The following ASTN1 variants were observed in gnomAD, a reference collection of about 807,000 sequenced individuals.
The protein encoded by ASTN1 is astrotactin 1.
In ASTN1, 41 loss-of-function variants were observed where a neutral mutation model predicts 140.7. That is an observed-to-expected ratio of 0.29 (90% confidence interval 0.23 to 0.38). The LOEUF (loss-of-function observed/expected upper bound fraction) is 0.38, where lower values mean the gene tolerates loss of function less well. Among genes scored for constraint, ASTN1 ranks in the 10% least tolerant of loss-of-function variants. The pLI is 1.00. For missense variants in ASTN1, 1,479 were observed against 1,678.8 expected (o/e 0.88, Z 2.08); for synonymous variants, 640 against 652.2 (o/e 0.98, Z 0.29).
At chr1:177,036,583 T>C (rs1571688986) in intron 2 of ASTN1, among the ~76,000 whole-genome samples, 1 of 152,300 alleles carries the variant, frequency 6.6e-6, no homozygotes, top group Non-Finnish European at 1.5e-5. Flanking sequence ...TGACATTATT[T>C]AATAATATTT....
intron 14 of ASTN1, among the ~76,000 whole-genome samples, chr1:176,942,625 C>A (rs909289393): frequency 1.3e-5 from 2 of 151,430 alleles, no homozygotes; most frequent in African/African-American, 4.9e-5. Flanking sequence ...TATTCAAAGT[C>A]ACCCCACTGC....
chr1:177,101,871 C>T (rs536993192), intron 1 of ASTN1, among the ~76,000 whole-genome samples: 74 of 152,284 alleles, frequency 4.9e-4, no homozygotes, highest in African/African-American at 1.7e-3. Flanking sequence ...TGGTTACAAG[C>T]CTGCAAATGA....
At chr1:176,981,715 A>T (rs868680834) in intron 8 of ASTN1, 3 of 152,856 alleles carry the variant, frequency 2.0e-5, no homozygotes, top group Non-Finnish European at 4.4e-5. Context: ...GGAGTCTGGC[A>T]TGATTCTCAT....
At chr1:177,108,952 A>T (rs921475540) in intron 1 of ASTN1, among the ~76,000 whole-genome samples, 19 of 152,246 alleles carry the variant, frequency 1.2e-4, no homozygotes, top group African/African-American at 4.6e-4. Flanking sequence ...ATCCTGAAGA[A>T]CTCTGATTTT....
Position 176,958,403 on chromosome 1 carries a change from T to C in ASTN1, c.1678A>G (p.Asn560Asp), listed in dbSNP as rs1365041656. Residue 560 changes from asparagine (N) to aspartate (D), a missense_variant, in exon 10 of 23, where the codon AAT becomes GAT. This residue lies in a region of ASTN1 where 729 missense variants were observed against 860.4 expected (regional missense o/e 0.85). Coordinates refer to ENST00000361833, the MANE Select transcript of ASTN1 (RefSeq NM_004319.3). ...FVIPPAELAI[N>D]PSAKCKTDMT... ...TCCGTCTTGCACTTTGCTGATGGAT[T>C]GATGGCCAGTTCGGCTGGTGGAATC... 6.2e-7 allele frequency: 1 copy of C among 1,614,124 alleles called. No individual in the cohort carries two copies. Among genetic ancestry groups the C allele is most frequent in the Non-Finnish European group, 8.5e-7 (1 of 1,179,984 alleles).
Position 177,093,129 on chromosome 1 carries a change from C to A in ASTN1, c.284-31864G>T, listed in dbSNP as rs183033495. Among the ~76,000 whole-genome samples, 4 of 152,274 alleles carry A rather than the reference C, an allele frequency of 2.6e-5. No homozygotes were observed. In the East Asian group the frequency reaches 7.7e-4, roughly 29 times the overall value. ...GAAAAAAGTCTGGTACATGGTAAAG[C>A]TCTGAATATATATTTGTTGGCTGAC... On this transcript the variant is annotated intron_variant, in intron 1 of 22. Coordinates refer to ENST00000361833, the MANE Select transcript of ASTN1 (RefSeq NM_004319.3).
chr1:177,067,269 A>G (rs1040415252), intron 1 of ASTN1, among the ~76,000 whole-genome samples: 13 of 152,156 alleles, frequency 8.5e-5, no homozygotes, highest in East Asian at 1.9e-4. Context: ...GAAAAGAGGC[A>G]TCTCTAAAAA....
chr1:176,883,097 G>T, intron 19 of ASTN1, 103 bp from the exon 20 acceptor site: 3 of 1,480,678 alleles, frequency 2.0e-6, no homozygotes, highest in South Asian at 2.4e-5. Context: ...CAATGATTTG[G>T]TCCTCAATCT....
At chr1:177,132,817 A>C (rs1389481524) in intron 1 of ASTN1, among the ~76,000 whole-genome samples, 2 of 152,212 alleles carry the variant, frequency 1.3e-5, no homozygotes, top group Non-Finnish European at 2.9e-5. Flanking sequence ...CTGTTCACTG[A>C]AGACCTGAAA....
chr1:176,972,615 G>A (rs985332567), intron 8 of ASTN1, among the ~76,000 whole-genome samples: 3 of 151,970 alleles, frequency 2.0e-5, no homozygotes, highest in Non-Finnish European at 4.4e-5. Context: ...CCTCCTGCCT[G>A]TGCTCTCCAA....
intron 17 of ASTN1, among the ~76,000 whole-genome samples, chr1:176,889,636 C>T (rs893441928): frequency 6.6e-5 from 10 of 152,188 alleles, no homozygotes; most frequent in African/African-American, 2.2e-4. Context: ...CCATCCTGCC[C>T]CCTCCCCAGA....
chr1:177,019,180 G>T, intron 7 of ASTN1, among the ~76,000 whole-genome samples: 1 of 152,182 alleles, frequency 6.6e-6, no homozygotes, highest in East Asian at 1.9e-4. Flanking sequence ...CTAGGTAAGT[G>T]ATCTTGGGCA....
intron 1 of ASTN1, among the ~76,000 whole-genome samples, chr1:177,144,138 T>G (rs1293460105): frequency 6.7e-6 from 1 of 149,050 alleles, no homozygotes; most frequent in Non-Finnish European, 1.5e-5. Context: ...TCATAAGAGA[T>G]TCTGGAACAT....
At chr1:176,954,015 C>A (rs1462249901) in intron 11 of ASTN1, among the ~76,000 whole-genome samples, 1 of 152,148 alleles carries the variant, frequency 6.6e-6, no homozygotes, top group African/African-American at 2.4e-5. Flanking sequence ...AATAGATAGA[C>A]TTGATAAGGG....
At chr1:176,971,462 G>A (rs1405828460) in intron 8 of ASTN1, among the ~76,000 whole-genome samples, 1 of 152,016 alleles carries the variant, frequency 6.6e-6, no homozygotes, top group African/African-American at 2.4e-5. Flanking sequence ...GATGCTATAG[G>A]GCCTTGAGGC....
intron 16 of ASTN1, among the ~76,000 whole-genome samples, chr1:176,901,619 A>G (rs996304059): frequency 6.6e-6 from 1 of 152,186 alleles, no homozygotes; most frequent in Non-Finnish European, 1.5e-5. Flanking sequence ...GAGAGTGCCA[A>G]TCTGAACCCA....
In ASTN1 at chr1:177,142,084, T is replaced by C. The variant is rs553739417; in HGVS notation, c.283+22310A>G. The stretch of plus-strand genomic sequence containing the variant: ...ATTAGAAAAACTACAGGGAACTACA[T>C]GTATCACTATACCATGAATCCCAGC... On this transcript the variant is annotated intron_variant, in intron 1 of 22. Coordinates refer to ENST00000361833, the MANE Select transcript of ASTN1 (RefSeq NM_004319.3). Among the ~76,000 whole-genome samples the C allele has an allele frequency of 2.0e-5, 3 of 152,328 alleles. No individual in the cohort carries two copies. The South Asian group carries it at 6.2e-4, about 32-fold the overall frequency.
rs117756442 is a variant in ASTN1, at chr1:176,865,142, C to T, written c.3648-621G>A. On this transcript the variant is annotated intron_variant, in intron 22 of 22. Transcript: ENST00000361833. ...CAGGTGAGCTCATGCTCCATTTCTCCACCTCCCTCAGAAAGTCAGGAGGCC... is the reference window on the plus strand; with the variant it reads ...CAGGTGAGCTCATGCTCCATTTCTCTACCTCCCTCAGAAAGTCAGGAGGCC... Among the ~76,000 whole-genome samples, 367 of 152,334 alleles carry T rather than the reference C, an allele frequency of 2.4e-3. 2 individuals are homozygous for T. The East Asian group carries it at 0.029, about 12-fold the overall frequency.
chr1:176,964,943 G>C (rs1270314248), intron 9 of ASTN1, among the ~76,000 whole-genome samples: 2 of 152,094 alleles, frequency 1.3e-5, no homozygotes, highest in South Asian at 4.2e-4. Flanking sequence ...CCCAGAGCTG[G>C]CAAAGAAGGA....
Sources: gnomAD v4.1 joint callset for allele counts (sites outside exome capture counted in the v4.1 genomes callset) on GRCh38, gnomAD v4.1.1 for gene constraint, gnomAD v4.1.1 regional missense constraint, MANE v1.5 for transcripts, NCBI Gene and HGNC (gene_info 2026-07-23, HGNC 2026-07-21) for gene names.